TAFA2: variants seen among roughly 807,000 people sequenced by gnomAD.
TAFA2 encodes the protein chemokine-like protein TAFA-2.
In TAFA2, 7 loss-of-function variants were observed where a neutral mutation model predicts 18.8. The ratio of observed to expected loss-of-function variants is 0.37; its 90% CI spans 0.21 to 0.70. TAFA2 has a LOEUF of 0.70. Among genes scored for constraint, TAFA2 ranks in the 30% least tolerant of loss-of-function variants. The pLI is 0.53. For missense variants in TAFA2, 122 were observed against 158.1 expected, an observed-to-expected ratio of 0.77 and a Z score of 1.23; for synonymous variants, 60 against 54.2, an observed-to-expected ratio of 1.11 and a Z score of -0.47.
intron 1 of TAFA2, among the ~76,000 whole-genome samples, chr12:62,031,242 C>A (rs1216511452): frequency 6.6e-6 from 1 of 151,904 alleles, no homozygotes; most frequent in Non-Finnish European, 1.5e-5. Flanking sequence ...TCTGGGTGGT[C>A]ACCATCTAAG....
chr12:62,017,467 A>T lies in TAFA2; in HGVS notation c.-1-150041T>A, dbSNP rs79543039. ...GGCAGCTACTGCAATACGCACACCAATATATGACACAATTTTGGTCATTAA... is the reference window on the plus strand; with the variant it reads ...GGCAGCTACTGCAATACGCACACCATTATATGACACAATTTTGGTCATTAA... On this transcript the variant is annotated intron_variant, in intron 1 of 4. Transcript: ENST00000416284. 7.7e-3 allele frequency among the ~76,000 whole-genome samples: 1,179 copies of T among 152,272 alleles called. 17 individuals carry two copies. The highest frequency in any genetic ancestry group is 0.027 in the African/African-American group (1,129 of 41,574).
chr12:61,848,437 T>C (rs1305439825), intron 2 of TAFA2, among the ~76,000 whole-genome samples: 1 of 152,192 alleles, frequency 6.6e-6, no homozygotes, highest in African/African-American at 2.4e-5. Flanking sequence ...AAAGTCTTAA[T>C]TGTACTTATT....
intron 2 of TAFA2, among the ~76,000 whole-genome samples, chr12:61,756,066 C>T (rs985218604): frequency 1.1e-4 from 16 of 151,990 alleles, no homozygotes; most frequent in Admixed American, 7.9e-4. Context: ...CAAATGAGAT[C>T]GGCACATCAT....
chr12:61,850,564 T>C (rs1434975491), intron 2 of TAFA2, among the ~76,000 whole-genome samples: 1 of 152,108 alleles, frequency 6.6e-6, no homozygotes, highest in Non-Finnish European at 1.5e-5. Context: ...TATAACTTCA[T>C]TCAGTGACTA....
intron 1 of TAFA2, among the ~76,000 whole-genome samples, chr12:62,150,448 C>G (rs1311868801): frequency 6.6e-6 from 1 of 152,098 alleles, no homozygotes; most frequent in Non-Finnish European, 1.5e-5. Flanking sequence ...CTCTTAGCCT[C>G]CTAAATCATC....
At chr12:62,082,223 T>C (rs1376914266) in intron 1 of TAFA2, among the ~76,000 whole-genome samples, 1 of 152,220 alleles carries the variant, frequency 6.6e-6, no homozygotes, top group Non-Finnish European at 1.5e-5. Context: ...ATTCTATGTC[T>C]TTGCTATTGT....
At chr12:62,032,937 A>T (rs1198670255) in intron 1 of TAFA2, among the ~76,000 whole-genome samples, 1 of 152,166 alleles carries the variant, frequency 6.6e-6, no homozygotes, top group Non-Finnish European at 1.5e-5. Flanking sequence ...TTTTATTACT[A>T]TTATTATTCT....
chr12:61,743,954 T>C (rs550195614), intron 4 of TAFA2, among the ~76,000 whole-genome samples: 1 of 152,210 alleles, frequency 6.6e-6, no homozygotes, highest in Admixed American at 6.5e-5. Flanking sequence ...TTCTTGAACA[T>C]ACCTTTCTAT....
At chr12:62,134,357 G>A (rs1870810405) in intron 1 of TAFA2, among the ~76,000 whole-genome samples, 1 of 151,868 alleles carries the variant, frequency 6.6e-6, no homozygotes, top group African/African-American at 2.4e-5. Context: ...CAGAGGAGGA[G>A]ACCAGAGCAT....
chr12:61,970,308 T>C (rs1015543271), intron 1 of TAFA2, among the ~76,000 whole-genome samples: 15 of 151,738 alleles, frequency 9.9e-5, no homozygotes, highest in Middle Eastern at 6.8e-3. Context: ...TTAACAAGGA[T>C]CTAATTTTCT....
At chr12:61,851,728 T>C (rs13377645) in intron 2 of TAFA2, among the ~76,000 whole-genome samples, 4,897 of 116,128 alleles carry the variant, frequency 0.042, 283 homozygotes, top group African/African-American at 0.15. Flanking sequence ...TGAACCGAGA[T>C]TGTGCCACCG....
chr12:61,840,057 G>A (rs76070897), intron 2 of TAFA2, among the ~76,000 whole-genome samples: 2 of 151,964 alleles, frequency 1.3e-5, no homozygotes, highest in Non-Finnish European at 2.9e-5. Flanking sequence ...AGGATGTCTG[G>A]AGCAGAGAGC....
intron 1 of TAFA2, among the ~76,000 whole-genome samples, chr12:62,096,066 T>G (rs902246771): frequency 9.9e-5 from 15 of 152,212 alleles, no homozygotes; most frequent in Admixed American, 8.5e-4. Context: ...CCATTTCCCA[T>G]TACCATAAAG....
intron 1 of TAFA2, among the ~76,000 whole-genome samples, chr12:62,014,531 C>T (rs913054923): frequency 3.3e-5 from 5 of 152,140 alleles, no homozygotes; most frequent in Admixed American, 1.3e-4. Flanking sequence ...AGTCAGAGGG[C>T]TGAGGCAGAA....
At chr12:62,102,270 C>T (rs1185961341) in intron 1 of TAFA2, among the ~76,000 whole-genome samples, 4 of 152,022 alleles carry the variant, frequency 2.6e-5, no homozygotes, top group South Asian at 2.1e-4. Context: ...GAAACTATTG[C>T]TATTTTTAAA....
At chr12:61,778,588 G>A (rs1186118707) in intron 2 of TAFA2, among the ~76,000 whole-genome samples, 2 of 151,820 alleles carry the variant, frequency 1.3e-5, no homozygotes, top group Non-Finnish European at 2.9e-5. Flanking sequence ...ACAAAGGAAA[G>A]ACAAATGTCC....
intron 1 of TAFA2, among the ~76,000 whole-genome samples, chr12:61,969,012 T>C (rs1255685038): frequency 6.6e-6 from 1 of 151,744 alleles, no homozygotes; most frequent in African/African-American, 2.4e-5. Flanking sequence ...GATTATTAAA[T>C]GGAATAATGT....
intron 1 of TAFA2, among the ~76,000 whole-genome samples, chr12:61,918,069 G>A (rs1271342198): frequency 6.6e-6 from 1 of 151,682 alleles, no homozygotes; most frequent in Non-Finnish European, 1.5e-5. Flanking sequence ...TGGGTTACAT[G>A]ACATATTTTG....
chr12:61,852,412 A>T (rs1873712999), intron 2 of TAFA2, among the ~76,000 whole-genome samples: 1 of 152,156 alleles, frequency 6.6e-6, no homozygotes, highest in African/African-American at 2.4e-5. Flanking sequence ...ATAGGAAAAA[A>T]TGTGGCTGAG....
Sources: allele counts gnomAD v4.1 joint callset (sites outside exome capture counted in the v4.1 genomes callset), GRCh38; gene constraint gnomAD v4.1.1; transcripts MANE v1.5; gene names NCBI Gene and HGNC (gene_info 2026-07-23, HGNC 2026-07-21).